The following SEMA3E variants were observed in gnomAD, a reference collection of about 807,000 sequenced individuals.
SEMA3E encodes the protein semaphorin-3E.
Under a neutral mutation model 93.6 loss-of-function variants are expected in SEMA3E, and 49 were observed. That is an observed-to-expected ratio of 0.52 (90% CI 0.42 to 0.66). SEMA3E has a LOEUF of 0.66. SEMA3E is among the 30% of genes least tolerant of loss of function. The pLI, the probability that SEMA3E is intolerant of heterozygous loss-of-function variation, is 0.00. For missense variants in SEMA3E, 906 were observed against 964.8 expected, an observed-to-expected ratio of 0.94 and a Z score of 0.81; for synonymous variants, 363 against 330.7, an observed-to-expected ratio of 1.10 and a Z score of -1.06.
chr7:83,459,376 A>G (rs1463512502), intron 4 of SEMA3E, among the ~76,000 whole-genome samples: 2 of 152,210 alleles, frequency 1.3e-5, no homozygotes, highest in Admixed American at 6.5e-5. Context: ...AGGTGAAACA[A>G]AAGCATTTTC....
At chr7:83,638,590 A>AT (rs1205767895) in intron 1 of SEMA3E, among the ~76,000 whole-genome samples, 2 of 152,200 alleles carry the variant, frequency 1.3e-5, no homozygotes, top group Non-Finnish European at 2.9e-5. Flanking sequence ...AAATATGCAG[A>AT]TAATGGTAAT....
intron 4 of SEMA3E, among the ~76,000 whole-genome samples, chr7:83,452,704 C>T (rs1296169544): frequency 6.6e-6 from 1 of 152,190 alleles, no homozygotes; most frequent in African/African-American, 2.4e-5. Flanking sequence ...AATCATTTAA[C>T]TAGCTTTCAC....
intron 16 of SEMA3E, among the ~76,000 whole-genome samples, chr7:83,368,806 G>T (rs1364406767): frequency 6.6e-6 from 1 of 152,104 alleles, no homozygotes; most frequent in Non-Finnish European, 1.5e-5. Context: ...GCAAGATAAG[G>T]CTTTCAACGA....
intron 4 of SEMA3E, among the ~76,000 whole-genome samples, chr7:83,420,574 T>C (rs1029969903): frequency 1.3e-5 from 2 of 152,086 alleles, no homozygotes; most frequent in African/African-American, 4.8e-5. Flanking sequence ...CTTCAAACTA[T>C]AGTACAAGAC....
intron 4 of SEMA3E, among the ~76,000 whole-genome samples, chr7:83,429,238 G>A (rs1460437823): frequency 6.6e-6 from 1 of 152,044 alleles, no homozygotes; most frequent in Non-Finnish European, 1.5e-5. Flanking sequence ...AAACTCAATT[G>A]TCTTATTCCT....
At chr7:83,472,354 A>G (rs1789915128) in intron 2 of SEMA3E, among the ~76,000 whole-genome samples, 1 of 152,216 alleles carries the variant, frequency 6.6e-6, no homozygotes, top group South Asian at 2.1e-4. Flanking sequence ...TTAAAAATTC[A>G]TATTTATCTG....
intron 2 of SEMA3E, among the ~76,000 whole-genome samples, chr7:83,478,068 C>G (rs6467951): frequency 0.57 from 86,939 of 151,776 alleles, 25,975 homozygotes; most frequent in African/African-American, 0.74. Flanking sequence ...TTACAGGCAC[C>G]TGCCACCACG....
At chr7:83,593,129 G>A (rs1446596843) in intron 1 of SEMA3E, among the ~76,000 whole-genome samples, 1 of 151,950 alleles carries the variant, frequency 6.6e-6, no homozygotes, top group Admixed American at 6.6e-5. Context: ...ATAAACTTTA[G>A]TTACTAGCTA....
At chr7:83,547,356 T>C (rs970183128) in intron 1 of SEMA3E, among the ~76,000 whole-genome samples, 1 of 152,136 alleles carries the variant, frequency 6.6e-6, no homozygotes, top group African/African-American at 2.4e-5. Flanking sequence ...ATGCTGTCAG[T>C]AGAATCATTG....
At chr7:83,412,778 A>C (rs918933927) in intron 5 of SEMA3E, among the ~76,000 whole-genome samples, 12 of 145,756 alleles carry the variant, frequency 8.2e-5, no homozygotes, top group Middle Eastern at 3.3e-3. Flanking sequence ...AAAAAAAAAA[A>C]CACACAGGAT....
At chr7:83,535,436 C>T (rs1470807863) in intron 1 of SEMA3E, among the ~76,000 whole-genome samples, 1 of 150,526 alleles carries the variant, frequency 6.6e-6, no homozygotes, top group East Asian at 1.9e-4. Flanking sequence ...TTCATTCATT[C>T]ACTAAGGAGA....
intron 1 of SEMA3E, among the ~76,000 whole-genome samples, chr7:83,494,468 A>G (rs1202587794): frequency 6.6e-6 from 1 of 151,842 alleles, no homozygotes; most frequent in Non-Finnish European, 1.5e-5. Flanking sequence ...ATAAAAGACA[A>G]CTAAACTAAC....
At chr7:83,638,571 T>G (rs1054678338) in intron 1 of SEMA3E, among the ~76,000 whole-genome samples, 3 of 152,162 alleles carry the variant, frequency 2.0e-5, no homozygotes, top group African/African-American at 7.2e-5. Context: ...CACTTTATAT[T>G]TAATACAAAA....
At chr7:83,478,668 G>C (rs1408795066) in intron 2 of SEMA3E, among the ~76,000 whole-genome samples, 2 of 152,138 alleles carry the variant, frequency 1.3e-5, no homozygotes, top group Admixed American at 6.5e-5. Flanking sequence ...CTCTACTACT[G>C]TCACTAGCAA....
At chr7:83,638,746 C>T (rs139707700) in intron 1 of SEMA3E, among the ~76,000 whole-genome samples, 1 of 152,044 alleles carries the variant, frequency 6.6e-6, no homozygotes, top group Non-Finnish European at 1.5e-5. Context: ...TTTGTAGCAT[C>T]CTTCCACACA....
At position 83,465,304 on chromosome 7, in the gene SEMA3E, C is replaced by T. The variant is rs530651307; in HGVS notation, c.456+1178G>A. On this transcript the variant is annotated intron_variant, in intron 4 of 16. Coordinates refer to ENST00000643230, the MANE Select transcript of SEMA3E (RefSeq NM_012431.3). ...GCTGACTCTCTTTTCAGACTCAGCC[C>T]GCCTGCACCCAGGTGAAATAAACAG... is the stretch of plus-strand genomic sequence containing the variant. Among the ~76,000 whole-genome samples, 53 of 152,184 alleles carry T rather than the reference C, an allele frequency of 3.5e-4. No homozygotes were observed. In the East Asian group the frequency reaches 6.4e-3, roughly 18 times the overall value.
intron 16 of SEMA3E, among the ~76,000 whole-genome samples, chr7:83,383,628 T>A (rs866102303): frequency 1.3e-5 from 2 of 152,080 alleles, no homozygotes; most frequent in African/African-American, 2.4e-5. Flanking sequence ...GAAATTTGAA[T>A]GTAGTTGAAA....
chr7:83,566,653 C>T (rs531105316), intron 1 of SEMA3E, among the ~76,000 whole-genome samples: 7 of 152,196 alleles, frequency 4.6e-5, no homozygotes, highest in South Asian at 2.1e-4. Flanking sequence ...AACATACTTA[C>T]GTTTTCTAAA....
At chr7:83,637,835 A>G (rs1365052497) in intron 1 of SEMA3E, among the ~76,000 whole-genome samples, 1 of 135,648 alleles carries the variant, frequency 7.4e-6, no homozygotes, top group Non-Finnish European at 1.6e-5. Context: ...AATTTAACGT[A>G]TATTTTAGAA....
Sources: allele counts gnomAD v4.1 joint callset (sites outside exome capture counted in the v4.1 genomes callset), GRCh38; gene constraint gnomAD v4.1.1; transcripts MANE v1.5; gene names NCBI Gene and HGNC (gene_info 2026-07-23, HGNC 2026-07-21).